MYL12B: variants seen among roughly 807,000 people sequenced by gnomAD.
MYL12B encodes myosin light chain 12B, also known as myosin regulatory light chain 12B.
In MYL12B, 3 loss-of-function variants were observed where a neutral mutation model predicts 12.9. The observed-to-expected ratio is 0.23, with a 90% CI of 0.11 to 0.60. The LOEUF is 0.60. Among genes scored for constraint, MYL12B ranks in the 20% least tolerant of loss-of-function variants. MYL12B has a pLI of 0.89. For missense variants in MYL12B, 120 were observed against 215.4 expected, an observed-to-expected ratio of 0.56 and a Z score of 2.77; for synonymous variants, 57 against 71.9, an observed-to-expected ratio of 0.79 and a Z score of 1.05.
chr18:3,268,783 A>G (rs897712165), intron 1 of MYL12B, among the ~76,000 whole-genome samples: 3 of 152,230 alleles, frequency 2.0e-5, no homozygotes, highest in African/African-American at 7.2e-5. Context: ...AACCTGTAAC[A>G]AATGGGATTT....
intron 1 of MYL12B, among the ~76,000 whole-genome samples, chr18:3,267,985 G>A (rs1238657312): frequency 3.9e-5 from 6 of 152,112 alleles, no homozygotes; most frequent in Admixed American, 2.0e-4. Context: ...TTGTTATAGT[G>A]TATTTTTTAT....
chr18:3,270,498 T>C (rs928933545), intron 1 of MYL12B, among the ~76,000 whole-genome samples: 6 of 152,190 alleles, frequency 3.9e-5, no homozygotes, highest in African/African-American at 1.4e-4. Context: ...TCAGGCTAAC[T>C]AACTCCCTAT....
intron 1 of MYL12B, among the ~76,000 whole-genome samples, chr18:3,272,589 C>T (rs1181914547): frequency 2.0e-5 from 3 of 152,270 alleles, no homozygotes; most frequent in South Asian, 4.1e-4. Context: ...GTCTCGAACT[C>T]CTAGTCTCAA....
intron 1 of MYL12B, among the ~76,000 whole-genome samples, chr18:3,270,634 G>C (rs1373487544): frequency 6.7e-6 from 1 of 149,376 alleles, no homozygotes; most frequent in African/African-American, 2.5e-5. Context: ...TGGGTTAACT[G>C]TAGAAGTAGC....
Position 3,263,733 on chromosome 18 carries a change from C to T in MYL12B, c.-16+1496C>T, listed in dbSNP as rs139543816. 2.7e-3 allele frequency among the ~76,000 whole-genome samples: 408 copies of T among 152,284 alleles called. 1 individual carries two copies. The highest frequency in any genetic ancestry group is 3.6e-3 in the Non-Finnish European group (245 of 68,022). On this transcript the variant is annotated intron_variant, in intron 1 of 3. Transcript: ENST00000237500. ...TTTTGCCAGCATCTTTGTGATCTTC[C>T]TTCCTCATTCTACACATTAGCTTTG... is the stretch of plus-strand genomic sequence containing the variant.
Position 3,277,899 on chromosome 18 carries a change from C to T in MYL12B, c.481C>T (p.Arg161Cys), listed in dbSNP as rs766982930. The change falls in exon 4 of 4, where the codon CGC becomes TGC. Residue 161 changes from arginine to cysteine, a missense_variant. Coordinates refer to ENST00000237500, the MANE Select transcript of MYL12B (RefSeq NM_033546.4). ...GAATTTCAATTACATCGAGTTCACA[C>T]GCATCCTGAAACATGGAGCCAAAGA... Reference protein sequence around the residue: ...KGNFNYIEFTRILKHGAKDKD... With the variant: ...KGNFNYIEFTCILKHGAKDKD... 20 of 1,613,838 alleles carry T rather than the reference C, an allele frequency of 1.2e-5. No homozygotes were observed. Among genetic ancestry groups the T allele is most frequent in the Middle Eastern group, 1.6e-4 (1 of 6,080 alleles).
At chr18:3,276,647 T>C (rs751093866) in intron 2 of MYL12B, 150 of 768,362 alleles carry the variant, frequency 2.0e-4, no homozygotes, top group Non-Finnish European at 2.2e-4. Flanking sequence ...TATCAACTTA[T>C]GGGCATCTGT....
At chr18:3,266,188 G>A (rs1055011020) in intron 1 of MYL12B, among the ~76,000 whole-genome samples, 2 of 152,148 alleles carry the variant, frequency 1.3e-5, no homozygotes, top group African/African-American at 4.8e-5. Flanking sequence ...GGTCACATGG[G>A]GAGGCTGCAG....
At chr18:3,266,174 A>C (rs1043397772) in intron 1 of MYL12B, among the ~76,000 whole-genome samples, 2 of 152,186 alleles carry the variant, frequency 1.3e-5, no homozygotes, top group African/African-American at 4.8e-5. Flanking sequence ...AGGGTCTCTC[A>C]TGAGGTCACA....
intron 1 of MYL12B, among the ~76,000 whole-genome samples, chr18:3,268,874 G>A (rs550668947): frequency 2.0e-5 from 3 of 152,060 alleles, no homozygotes; most frequent in Admixed American, 2.0e-4. Context: ...TTGGCAGGTG[G>A]GCATGTTTCA....
intron 1 of MYL12B, chr18:3,263,266 G>C (rs776357207): frequency 1.3e-5 from 2 of 152,224 alleles, no homozygotes; most frequent in African/African-American, 2.4e-5. Flanking sequence ...TAGAGGATTC[G>C]TTTGGCCGCT....
At chr18:3,275,651 C>G (rs749897612) in intron 2 of MYL12B, among the ~76,000 whole-genome samples, 1 of 152,168 alleles carries the variant, frequency 6.6e-6, no homozygotes. Flanking sequence ...CCTTTCAAAT[C>G]AACAGATTAC....
At chr18:3,265,531 A>T (rs1456661609) in intron 1 of MYL12B, among the ~76,000 whole-genome samples, 1 of 149,924 alleles carries the variant, frequency 6.7e-6, no homozygotes, top group African/African-American at 2.5e-5. Flanking sequence ...CTCTGCTCAC[A>T]AATCAGCACT....
chr18:3,266,407 T>TTCACAAGATCTTATTG (rs2081634815), intron 1 of MYL12B, among the ~76,000 whole-genome samples: 1 of 150,612 alleles, frequency 6.6e-6, no homozygotes, highest in African/African-American at 2.5e-5. Flanking sequence ...ACACCCTCAT[T>TTCACAAGATCTTATTG]TCACAATATC....
At chr18:3,266,048 G>A (rs1598805782) in intron 1 of MYL12B, among the ~76,000 whole-genome samples, 1 of 152,130 alleles carries the variant, frequency 6.6e-6, no homozygotes, top group Admixed American at 6.5e-5. Context: ...GGAGACAGTG[G>A]CTTTATTACT....
chr18:3,274,668 A>G (rs1227112264), intron 2 of MYL12B, among the ~76,000 whole-genome samples: 2 of 152,240 alleles, frequency 1.3e-5, no homozygotes, highest in African/African-American at 4.8e-5. Flanking sequence ...GGCTGCTGAG[A>G]TTGGCCAAGG....
chr18:3,272,915 C>A lies in MYL12B; in HGVS notation c.17C>A (p.Ala6Glu). The stretch of plus-strand genomic sequence containing the variant: ...ACAACCACCATGTCGAGCAAAAAGG[C>A]AAAGACCAAGACCACCAAGAAGCGC... MSSKK[A>E]KTKTTKKRPQ... The change falls in exon 2 of 4, where the codon GCA (alanine) becomes GAA (glutamate). Residue 6 changes from alanine (A) to glutamate (E), a missense_variant. Transcript: ENST00000237500. 6.3e-7 allele frequency: 1 copy of A among 1,596,692 alleles called. No homozygotes were observed. The highest frequency in any genetic ancestry group is 8.5e-7 in the Non-Finnish European group (1 of 1,173,740).
chr18:3,273,213 G>A, intron 2 of MYL12B, 131 bp downstream of exon 2: 2 of 1,044,894 alleles, frequency 1.9e-6, no homozygotes, highest in Non-Finnish European at 2.6e-6. Flanking sequence ...TTCTGGGTGT[G>A]GGAGGTGCTA....
At chr18:3,272,635 A>T (rs979543535) in intron 1 of MYL12B, among the ~76,000 whole-genome samples, 2 of 152,120 alleles carry the variant, frequency 1.3e-5, no homozygotes, top group African/African-American at 2.4e-5. Context: ...AAGTGTTGGG[A>T]TTATAGGCAT....
Sources: allele counts gnomAD v4.1 joint callset (sites outside exome capture counted in the v4.1 genomes callset), GRCh38; gene constraint gnomAD v4.1.1; transcripts MANE v1.5; gene names NCBI Gene and HGNC (gene_info 2026-07-23, HGNC 2026-07-21).